The following RANBP17 variants were observed in gnomAD, a reference collection of about 807,000 sequenced individuals.
RANBP17 encodes the protein RAN binding protein 17.
A neutral mutation model predicts 141.2 loss-of-function variants in RANBP17; 158 were observed. That is an observed-to-expected ratio of 1.12 (90% CI 0.98 to 1.28). The LOEUF (loss-of-function observed/expected upper bound fraction) is 1.28, where lower values mean the gene tolerates loss of function less well. Among genes scored for constraint, RANBP17 ranks in the 50% most tolerant of loss-of-function variants. RANBP17 has a pLI of 0.00. For synonymous variants in RANBP17, 430 were observed against 450.0 expected (o/e 0.96, Z 0.56); for missense variants, 1,438 against 1,290.7 (o/e 1.11, Z -1.75).
intron 16 of RANBP17, among the ~76,000 whole-genome samples, chr5:171,182,408 C>T (rs1308974525): frequency 6.6e-6 from 1 of 152,178 alleles, no homozygotes; most frequent in Non-Finnish European, 1.5e-5. Context: ...TTGAACTGTT[C>T]AGATGATAAT....
chr5:171,178,845 G>A (rs773188782), intron 16 of RANBP17, among the ~76,000 whole-genome samples: 6 of 151,906 alleles, frequency 3.9e-5, no homozygotes, highest in East Asian at 1.9e-4. Context: ...GTTCCTATCC[G>A]TCGCCCACTT....
intron 25 of RANBP17, among the ~76,000 whole-genome samples, chr5:171,287,729 T>C (rs1561831426): frequency 1.3e-5 from 2 of 152,008 alleles, no homozygotes; most frequent in African/African-American, 4.8e-5. Context: ...GTTGTTGCTG[T>C]TGTTTTTTGT....
chr5:171,221,706 T>C, intron 21 of RANBP17, 52 bp from the exon 22 acceptor site: 1 of 984,310 alleles, frequency 1.0e-6, no homozygotes, highest in Non-Finnish European at 1.6e-6. Context: ...TTTAAATCTG[T>C]GTTTGGTTTC....
At chr5:170,993,269 T>C (rs1468236265) in intron 14 of RANBP17, among the ~76,000 whole-genome samples, 1 of 152,094 alleles carries the variant, frequency 6.6e-6, no homozygotes, top group Non-Finnish European at 1.5e-5. Context: ...TTTATTTAAA[T>C]TGTTTTAAAT....
At chr5:170,965,610 T>C (rs1219743761) in intron 13 of RANBP17, among the ~76,000 whole-genome samples, 1 of 152,186 alleles carries the variant, frequency 6.6e-6, no homozygotes, top group East Asian at 1.9e-4. Flanking sequence ...TTCAGCTTTC[T>C]ATATATGGCT....
chr5:170,881,487 A>G (rs950113629), intron 2 of RANBP17, among the ~76,000 whole-genome samples: 19 of 152,216 alleles, frequency 1.2e-4, no homozygotes, highest in Non-Finnish European at 4.4e-5. Flanking sequence ...ATCAGAGGCC[A>G]GATGATGTAG....
At chr5:171,283,263 C>G (rs143266801) in intron 25 of RANBP17, among the ~76,000 whole-genome samples, 4 of 152,278 alleles carry the variant, frequency 2.6e-5, no homozygotes, top group African/African-American at 9.6e-5. Flanking sequence ...CTCCCCTACT[C>G]AACTGTAAGC....
At position 171,032,652 on chromosome 5, in the gene RANBP17, G is replaced by A. The variant is rs900782797; in HGVS notation, c.1710+64275G>A. Among the ~76,000 whole-genome samples, 6 of 152,028 alleles carry A rather than the reference G, an allele frequency of 3.9e-5. No individual in the cohort carries two copies. The East Asian group carries it at 1.2e-3, about 29-fold the overall frequency. On this transcript the variant is annotated intron_variant, in intron 14 of 27. Coordinates refer to ENST00000523189, the MANE Select transcript of RANBP17 (RefSeq NM_022897.5). The stretch of plus-strand genomic sequence containing the variant: ...TATATTAAGTCATTTTGATATTATT[G>A]CAGTCATATAATGAATCAGTGAGAT...
At chr5:171,135,955 G>T (rs963662010) in intron 14 of RANBP17, among the ~76,000 whole-genome samples, 1 of 152,138 alleles carries the variant, frequency 6.6e-6, no homozygotes, top group African/African-American at 2.4e-5. Flanking sequence ...AGAATACTGG[G>T]TGATAAATCA....
intron 5 of RANBP17, among the ~76,000 whole-genome samples, chr5:170,897,983 A>G (rs1770279844): frequency 6.6e-6 from 1 of 152,216 alleles, no homozygotes; most frequent in East Asian, 1.9e-4. Context: ...AGGAATTGCC[A>G]CACTGTCTTC....
intron 4 of RANBP17, 67 bp from the exon 5 acceptor site, chr5:170,895,983 C>T: frequency 5.3e-6 from 4 of 755,634 alleles, no homozygotes; most frequent in Non-Finnish European, 8.2e-6. Context: ...TAAATGTTAC[C>T]TGGTATATAC....
At chr5:171,095,164 A>G (rs1405318805) in intron 14 of RANBP17, among the ~76,000 whole-genome samples, 1 of 152,242 alleles carries the variant, frequency 6.6e-6, no homozygotes, top group Non-Finnish European at 1.5e-5. Flanking sequence ...AGCAACAGAA[A>G]ACGGACTAAG....
rs145177659 is a variant in RANBP17, at chr5:171,257,009, T to C, written c.2777-8672T>C. 8.4e-4 allele frequency among the ~76,000 whole-genome samples: 128 copies of C among 151,892 alleles called. 3 individuals carry two copies. The East Asian group carries it at 0.024, about 28-fold the overall frequency. On this transcript the variant is annotated intron_variant, in intron 24 of 27. Coordinates refer to ENST00000523189, the MANE Select transcript of RANBP17 (RefSeq NM_022897.5). ...AACCAAATATACAAAGAAGAGCTAA[T>C]ACCAGTCCTCCTGAAACTGTTCCAA... is the stretch of plus-strand genomic sequence containing the variant.
intron 19 of RANBP17, among the ~76,000 whole-genome samples, chr5:171,201,153 C>T (rs1370358111): frequency 6.6e-6 from 1 of 152,142 alleles, no homozygotes; most frequent in Non-Finnish European, 1.5e-5. Context: ...TGATAGAAAC[C>T]ATCTTCCTAG....
intron 12 of RANBP17, among the ~76,000 whole-genome samples, chr5:170,947,842 A>T (rs1000271129): frequency 6.6e-6 from 1 of 152,122 alleles, no homozygotes; most frequent in African/African-American, 2.4e-5. Flanking sequence ...CCCAGAGTGA[A>T]CATTCTCTGA....
intron 14 of RANBP17, among the ~76,000 whole-genome samples, chr5:171,105,519 A>G (rs1374855259): frequency 1.3e-5 from 2 of 152,020 alleles, no homozygotes; most frequent in African/African-American, 4.8e-5. Flanking sequence ...GAACATAGCA[A>G]AAACCTGTCT....
chr5:170,987,850 A>C (rs908826113), intron 14 of RANBP17, among the ~76,000 whole-genome samples: 1 of 151,776 alleles, frequency 6.6e-6, no homozygotes, highest in East Asian at 1.9e-4. Context: ...AATTAAAATT[A>C]TGGTGTAAGT....
chr5:171,004,764 G>A (rs1180135623), intron 14 of RANBP17, among the ~76,000 whole-genome samples: 3 of 152,096 alleles, frequency 2.0e-5, no homozygotes, highest in African/African-American at 4.8e-5. Flanking sequence ...GACCTCCAGC[G>A]GGGGCCCACA....
intron 14 of RANBP17, among the ~76,000 whole-genome samples, chr5:171,005,840 A>G (rs539635570): frequency 6.6e-5 from 10 of 152,296 alleles, no homozygotes; most frequent in African/African-American, 1.7e-4. Context: ...TTTGCAATCT[A>G]CTCATCTGAC....
Sources: allele counts gnomAD v4.1 joint callset (sites outside exome capture counted in the v4.1 genomes callset), GRCh38; gene constraint gnomAD v4.1.1; transcripts MANE v1.5; gene names NCBI Gene and HGNC (gene_info 2026-07-23, HGNC 2026-07-21).